The following MYO3A variants were observed in gnomAD, a reference collection of about 807,000 sequenced individuals.
The protein encoded by MYO3A is myosin IIIA, also known as myosin-IIIa.
In MYO3A, 180 loss-of-function variants were observed where a neutral mutation model predicts 192.7. That is an observed-to-expected ratio of 0.93 (90% CI 0.83 to 1.06). MYO3A has a LOEUF of 1.06. MYO3A is among the 50% of genes least tolerant of loss of function. MYO3A has a pLI of 0.00. For synonymous variants in MYO3A, 628 were observed against 645.3 expected (o/e 0.97, Z 0.41); for missense variants, 1,896 against 1,905.0 (o/e 1.00, Z 0.09).
Position 26,021,645 on chromosome 10 carries a change from C to G in MYO3A, c.728C>G (p.Pro243Arg). 6.2e-7 allele frequency: 1 copy of G among 1,614,046 alleles called. No individual in the cohort carries two copies. The highest frequency in any genetic ancestry group is 8.5e-7 in the Non-Finnish European group (1 of 1,179,948). Residue 243 changes from proline to arginine, a missense_variant, in exon 8 of 35, where the codon CCA (proline) becomes CGA (arginine). By Grantham distance (103) the Pro-to-Arg change is moderately radical. Coordinates refer to ENST00000642920, the MANE Select transcript of MYO3A (RefSeq NM_017433.5). ...CCCATGAGAGCACTCTTCAAAATACCAAGGTCAGATGACTAACATTGGGTC... is the reference window on the plus strand; with the variant it reads ...CCCATGAGAGCACTCTTCAAAATACGAAGGTCAGATGACTAACATTGGGTC... Reference protein sequence around the residue: ...LHPMRALFKIPRNPPPKLRQP... With the variant: ...LHPMRALFKIRRNPPPKLRQP...
At chr10:26,096,936 G>T (rs1665976074) in intron 17 of MYO3A, among the ~76,000 whole-genome samples, 1 of 150,318 alleles carries the variant, frequency 6.7e-6, no homozygotes, top group African/African-American at 2.4e-5. Context: ...ACATATATGG[G>T]AAATATATAT....
At chr10:26,145,174 T>C (rs867172560) in intron 21 of MYO3A, among the ~76,000 whole-genome samples, 8 of 131,368 alleles carry the variant, frequency 6.1e-5, no homozygotes, top group Non-Finnish European at 1.1e-4. Context: ...AACGAAACTC[T>C]GTCTCAAAAA....
intron 34 of MYO3A, among the ~76,000 whole-genome samples, chr10:26,203,908 C>A (rs915346447): frequency 6.6e-6 from 1 of 152,154 alleles, no homozygotes; most frequent in Admixed American, 6.5e-5. Context: ...TGTTGAGTGA[C>A]CTTGCTCATG....
intron 14 of MYO3A, among the ~76,000 whole-genome samples, chr10:26,079,262 A>G (rs1318322387): frequency 6.6e-6 from 1 of 152,118 alleles, no homozygotes; most frequent in Non-Finnish European, 1.5e-5. Context: ...ACCATTATAT[A>G]ATGTCCCTCT....
At position 26,173,984 on chromosome 10, in the gene MYO3A, C is replaced by T. The variant is rs1456622918; in HGVS notation, c.3720C>T (p.Tyr1240=). The change falls in exon 30 of 35, where the codon TAC becomes TAT. Residue 1240 remains tyrosine (Y), a synonymous_variant. Coordinates refer to ENST00000642920, the MANE Select transcript of MYO3A (RefSeq NM_017433.5). ...AAGAGGAAGCTATGATCCAGAGTTACTATCAGAGGTACACAGAGGAGAGGA... is the reference window on the plus strand; with the variant it reads ...AAGAGGAAGCTATGATCCAGAGTTATTATCAGAGGTACACAGAGGAGAGGA... ...VEKEEAMIQS[Y]YQRYTEERNC... 1.2e-5 allele frequency: 20 copies of T among 1,608,440 alleles called. No homozygotes were observed. Among genetic ancestry groups the T allele is most frequent in the Non-Finnish European group, 1.6e-5 (19 of 1,178,296 alleles).
intron 14 of MYO3A, among the ~76,000 whole-genome samples, chr10:26,087,465 A>G (rs1257264061): frequency 6.6e-6 from 1 of 152,198 alleles, no homozygotes; most frequent in Non-Finnish European, 1.5e-5. Context: ...CTGAAAATCT[A>G]CTTAAGCTAA....
chr10:26,169,703 G>A (rs1439411378), intron 28 of MYO3A, among the ~76,000 whole-genome samples: 1 of 152,196 alleles, frequency 6.6e-6, no homozygotes, highest in Non-Finnish European at 1.5e-5. Context: ...AATCAGCAAT[G>A]AGTCATCCTC....
chr10:26,163,378 TCAGA>T (rs1336558661), intron 26 of MYO3A, among the ~76,000 whole-genome samples: 2 of 152,048 alleles, frequency 1.3e-5, no homozygotes, highest in African/African-American at 4.8e-5. Context: ...AAAAGATAAT[TCAGA>T]CAGAGCTGTG....
At chr10:26,148,459 A>G (rs1840602689) in intron 23 of MYO3A, among the ~76,000 whole-genome samples, 1 of 152,176 alleles carries the variant, frequency 6.6e-6, no homozygotes, top group Admixed American at 6.5e-5. Context: ...GTTCTTATTC[A>G]GGCTTGTTTA....
chr10:25,934,493 A>G (rs909327609), intron 1 of MYO3A, among the ~76,000 whole-genome samples, 165 bp downstream of exon 1: 17 of 152,004 alleles, frequency 1.1e-4, no homozygotes, highest in Non-Finnish European at 4.4e-5. Context: ...CCCAGGTCAG[A>G]TCCGGAGGAC....
intron 15 of MYO3A, among the ~76,000 whole-genome samples, chr10:26,091,529 T>C (rs1791337173): frequency 6.6e-6 from 1 of 152,160 alleles, no homozygotes; most frequent in African/African-American, 2.4e-5. Context: ...CAAGCATTGA[T>C]TGCATTTCTC....
At chr10:26,083,332 A>G (rs1836092551) in intron 14 of MYO3A, among the ~76,000 whole-genome samples, 1 of 152,338 alleles carries the variant, frequency 6.6e-6, no homozygotes, top group East Asian at 1.9e-4. Flanking sequence ...ATTTAATCAC[A>G]CTACTCAGAG....
intron 8 of MYO3A, 53 bp downstream of exon 8, chr10:26,021,701 G>A: frequency 6.2e-7 from 1 of 1,600,988 alleles, no homozygotes; most frequent in Middle Eastern, 1.7e-4. Flanking sequence ...ACTTCCTCCA[G>A]CCACCAAGTG....
Position 26,068,786 on chromosome 10 carries a change from C to T in MYO3A, c.1072C>T (p.Leu358Phe), listed in dbSNP as rs2131379855. The T allele has an allele frequency of 1.9e-6, 3 of 1,583,766 alleles. No homozygotes were observed. The highest frequency in any genetic ancestry group is 2.6e-6 in the Non-Finnish European group (3 of 1,152,762). ...ATTGCAGAATACAGTCTCAGAGCAA[C>T]TTGAGAAGTGTTATTCCAGAGATCA... ...ILDENTVSEQ[L>F]EKCYSRDQIY... Residue 358 changes from leucine to phenylalanine, a missense_variant, in exon 12 of 35, where the codon CTT becomes TTT. Coordinates refer to ENST00000642920, the MANE Select transcript of MYO3A (RefSeq NM_017433.5).
chr10:25,979,920 C>G (rs186748108), intron 4 of MYO3A, among the ~76,000 whole-genome samples: 2,437 of 152,192 alleles, frequency 0.016, 43 homozygotes, highest in Non-Finnish European at 0.024. Context: ...ATAAAATCTC[C>G]CCCAGGCAAA....
chr10:26,159,696 G>A (rs1422763719), intron 26 of MYO3A, among the ~76,000 whole-genome samples: 2 of 152,122 alleles, frequency 1.3e-5, no homozygotes, highest in East Asian at 3.8e-4. Context: ...GTTTTCTTTA[G>A]AGACCTGGGA....
At chr10:26,164,558 G>A (rs1050889131) in intron 26 of MYO3A, among the ~76,000 whole-genome samples, 1 of 152,112 alleles carries the variant, frequency 6.6e-6, no homozygotes, top group Non-Finnish European at 1.5e-5. Flanking sequence ...CAATTAAGTC[G>A]CTTTTGTGAG....
In MYO3A at chr10:25,954,952, G is replaced by A. The variant is rs1161659131; in HGVS notation, c.247G>A (p.Gly83Arg). Residue 83 changes from glycine to arginine, a missense_variant, in exon 4 of 35, where the codon GGG becomes AGG. Coordinates refer to ENST00000642920, the MANE Select transcript of MYO3A (RefSeq NM_017433.5). The stretch of plus-strand genomic sequence containing the variant: ...CCACCCTAATGTGGTCAGATTCTAT[G>A]GGATATACTTTAAGAAGGATAAAGT... ...SDHPNVVRFYGIYFKKDKVNG... is the reference protein window; with the variant it reads ...SDHPNVVRFYRIYFKKDKVNG... 2 of 1,612,780 alleles carry A rather than the reference G, an allele frequency of 1.2e-6. No individual in the cohort carries two copies. The highest frequency in any genetic ancestry group is 1.1e-5 in the South Asian group (1 of 91,056).
At chr10:26,168,126 T>C (rs2132003648) in intron 27 of MYO3A, among the ~76,000 whole-genome samples, 3 of 152,292 alleles carry the variant, frequency 2.0e-5, no homozygotes, top group African/African-American at 7.2e-5. Flanking sequence ...GAGAACCTTG[T>C]TAATGAAATC....
Sources: allele counts gnomAD v4.1 joint callset (sites outside exome capture counted in the v4.1 genomes callset), GRCh38; gene constraint gnomAD v4.1.1; transcripts MANE v1.5; gene names NCBI Gene and HGNC (gene_info 2026-07-23, HGNC 2026-07-21).